Variants in BAZ2B observed in about 807,000 individuals in gnomAD.
BAZ2B encodes bromodomain adjacent to zinc finger domain 2B.
In BAZ2B, 91 loss-of-function variants were observed where a neutral mutation model predicts 246.0. The observed-to-expected ratio is 0.37, with a 90% CI of 0.31 to 0.44. The LOEUF (loss-of-function observed/expected upper bound fraction) is 0.44. Ranked by LOEUF, BAZ2B falls within the 20% of genes least tolerant of loss-of-function variation. BAZ2B has a pLI of 1.00. For missense variants in BAZ2B, 2,332 were observed against 2,533.7 expected, an observed-to-expected ratio of 0.92 and a Z score of 1.71; for synonymous variants, 855 against 860.0, an observed-to-expected ratio of 0.99 and a Z score of 0.10.
At chr2:159,377,839 ATACTACCTT>A in intron 25 of BAZ2B, among the ~76,000 whole-genome samples, 1 of 151,340 alleles carries the variant, frequency 6.6e-6, no homozygotes, top group East Asian at 1.9e-4. Flanking sequence ...AAGAAGTGAA[ATACTACCTT>A]AAATGACACA....
intron 18 of BAZ2B, 73 bp from the exon 19 acceptor site, chr2:159,397,462 C>G: frequency 1.0e-6 from 1 of 994,384 alleles, no homozygotes; most frequent in Non-Finnish European, 1.5e-6. Flanking sequence ...TTAAAAGTTC[C>G]TTTTCTGAGA....
intron 1 of BAZ2B, among the ~76,000 whole-genome samples, chr2:159,580,309 T>C (rs1686432373): frequency 6.6e-6 from 1 of 152,164 alleles, no homozygotes; most frequent in Non-Finnish European, 1.5e-5. Context: ...TGAACTCCCA[T>C]TCACAATTGC....
At chr2:159,530,283 C>T (rs2085237594) in intron 2 of BAZ2B, among the ~76,000 whole-genome samples, 1 of 152,110 alleles carries the variant, frequency 6.6e-6, no homozygotes, top group South Asian at 2.1e-4. Context: ...GTGTGTAATG[C>T]CTCTACTTTT....
At chr2:159,674,228 G>A in the BAZ2B span, among the ~76,000 whole-genome samples, 2 of 151,314 alleles carry the variant, frequency 1.3e-5, no homozygotes, top group Admixed American at 1.3e-4. Context: ...CCAGTTACTT[G>A]GGAGTCTGAG....
At chr2:159,592,546 C>A (rs537836057) in intron 1 of BAZ2B, among the ~76,000 whole-genome samples, 2 of 152,330 alleles carry the variant, frequency 1.3e-5, no homozygotes, top group Non-Finnish European at 2.9e-5. Flanking sequence ...CATTCTCATT[C>A]TAAAAAGAGA....
chr2:159,495,440 G>A (rs1430416129), intron 2 of BAZ2B, among the ~76,000 whole-genome samples: 1 of 123,412 alleles, frequency 8.1e-6, no homozygotes, highest in Non-Finnish European at 1.6e-5. Context: ...AGCCGAGATC[G>A]CGCCTCTGCA....
chr2:159,706,084 AAC>A, the BAZ2B span, among the ~76,000 whole-genome samples: 1 of 149,660 alleles, frequency 6.7e-6, no homozygotes, highest in Non-Finnish European at 1.5e-5. Context: ...AAACATATAT[AAC>A]ACACACACAC....
intron 2 of BAZ2B, among the ~76,000 whole-genome samples, chr2:159,488,968 A>G (rs2151004826): frequency 6.6e-6 from 1 of 152,330 alleles, no homozygotes. Context: ...TTTTACATTA[A>G]AAAGCCACAT....
At chr2:159,420,338 C>A (rs2068513319) in intron 13 of BAZ2B, among the ~76,000 whole-genome samples, 2 of 152,196 alleles carry the variant, frequency 1.3e-5, no homozygotes, top group Admixed American at 6.5e-5. Context: ...TCATTAAGAA[C>A]TGTAGACATT....
At chr2:159,519,817 A>G (rs943046431) in intron 2 of BAZ2B, among the ~76,000 whole-genome samples, 2 of 48,664 alleles carry the variant, frequency 4.1e-5, no homozygotes, top group Admixed American at 3.3e-4. Flanking sequence ...AGACTGGCCA[A>G]GGGACCTTTC....
At chr2:159,572,146 G>A (rs1036786781) in intron 1 of BAZ2B, among the ~76,000 whole-genome samples, 5 of 152,168 alleles carry the variant, frequency 3.3e-5, no homozygotes, top group African/African-American at 1.2e-4. Context: ...CTGACTCCAA[G>A]GGGACAGAGA....
intron 2 of BAZ2B, among the ~76,000 whole-genome samples, chr2:159,512,276 T>C (rs1863218): frequency 0.53 from 80,524 of 152,022 alleles, 21,680 homozygotes; most frequent in Non-Finnish European, 0.58. Flanking sequence ...ACAGTATTAA[T>C]TCACATGAAA....
At chr2:159,442,524 C>T (rs573071169) in intron 6 of BAZ2B, among the ~76,000 whole-genome samples, 4 of 152,126 alleles carry the variant, frequency 2.6e-5, no homozygotes, top group Non-Finnish European at 5.9e-5. Flanking sequence ...ATACACATAA[C>T]ATAAAATTTA....
intron 1 of BAZ2B, among the ~76,000 whole-genome samples, chr2:159,592,151 AAAAG>A (rs1248394125): frequency 1.3e-5 from 2 of 152,172 alleles, no homozygotes; most frequent in African/African-American, 4.8e-5. Context: ...AAAGAAAAAA[AAAAG>A]AAATAAACCC....
Position 159,431,124 on chromosome 2 carries a change from C to T in BAZ2B, c.1933G>A (p.Gly645Arg). 1 of 1,610,330 alleles carries T rather than the reference C, an allele frequency of 6.2e-7. No homozygotes were observed. Reference sequence around the variant, plus strand: ...TCATCATCATCTTCTTCTTCTGATCCTTCTGTATCTGATTCTGAATTACTA... The same window carrying T: ...TCATCATCATCTTCTTCTTCTGATCTTTCTGTATCTGATTCTGAATTACTA... Reference protein sequence around the residue: ...SDSNSESDTEGSEEEDDDDKD... With the variant: ...SDSNSESDTERSEEEDDDDKD... Residue 645 changes from glycine to arginine, a missense_variant, in exon 10 of 37, where the codon GGA becomes AGA. Transcript: ENST00000392783.
chr2:159,582,611 C>A (rs1578618178), intron 1 of BAZ2B, among the ~76,000 whole-genome samples: 1 of 152,216 alleles, frequency 6.6e-6, no homozygotes, highest in East Asian at 1.9e-4. Context: ...TCTTGAACTC[C>A]TGGACTCCAG....
chr2:159,346,049 T>C (rs773279455), intron 31 of BAZ2B, among the ~76,000 whole-genome samples: 3 of 152,202 alleles, frequency 2.0e-5, no homozygotes, highest in Non-Finnish European at 4.4e-5. Flanking sequence ...AATAAAATAG[T>C]GTGAAAGGGT....
the BAZ2B span, among the ~76,000 whole-genome samples, chr2:159,687,438 T>C: frequency 6.6e-6 from 1 of 152,222 alleles, no homozygotes; most frequent in African/African-American, 2.4e-5. Context: ...CAATCACCAA[T>C]GGACAATGAT....
the BAZ2B span, among the ~76,000 whole-genome samples, chr2:159,627,063 T>C: frequency 6.6e-6 from 1 of 151,836 alleles, no homozygotes; most frequent in Non-Finnish European, 1.5e-5. Context: ...AACTAGAAAA[T>C]CTAGAAGAAA....
Sources: allele counts gnomAD v4.1 joint callset (sites outside exome capture counted in the v4.1 genomes callset), GRCh38; gene constraint gnomAD v4.1.1; transcripts MANE v1.5; gene names NCBI Gene and HGNC (gene_info 2026-07-23, HGNC 2026-07-21).